TMEM132C: variants seen among roughly 807,000 people sequenced by gnomAD.
TMEM132C encodes protein phosphatase 1, regulatory subunit 152.
A neutral mutation model predicts 61.4 loss-of-function variants in TMEM132C; 29 were observed. The observed-to-expected ratio is 0.47, with a 90% confidence interval of 0.35 to 0.64. The LOEUF (loss-of-function observed/expected upper bound fraction) is 0.64, where lower values mean the gene tolerates loss of function less well. Ranked by LOEUF, TMEM132C falls within the 30% of genes least tolerant of loss-of-function variation. TMEM132C has a pLI of 0.00. For missense variants in TMEM132C, 1,408 were observed against 1,476.9 expected, an observed-to-expected ratio of 0.95 and a Z score of 0.76; for synonymous variants, 656 against 633.1, an observed-to-expected ratio of 1.04 and a Z score of -0.54.
intron 3 of TMEM132C, among the ~76,000 whole-genome samples, chr12:128,585,975 C>T (rs763405497): frequency 3.9e-5 from 6 of 152,094 alleles, no homozygotes; most frequent in Non-Finnish European, 8.8e-5. Context: ...ATGGTGGTGA[C>T]GGCTGCACAA....
intron 1 of TMEM132C, among the ~76,000 whole-genome samples, chr12:128,354,553 C>T (rs1048432665): frequency 1.3e-5 from 2 of 151,810 alleles, no homozygotes; most frequent in African/African-American, 4.8e-5. Flanking sequence ...CCACCTCTCT[C>T]TTCCTTCTCT....
At chr12:128,382,978 G>A (rs541100829) in intron 1 of TMEM132C, among the ~76,000 whole-genome samples, 11 of 152,010 alleles carry the variant, frequency 7.2e-5, no homozygotes, top group South Asian at 2.1e-4. Context: ...GTACAGGTCT[G>A]TCTCTGTGTC....
chr12:128,396,977 TGA>T (rs1379845313), intron 1 of TMEM132C, among the ~76,000 whole-genome samples: 1 of 151,622 alleles, frequency 6.6e-6, no homozygotes, highest in African/African-American at 2.4e-5. Flanking sequence ...TGCCCAGGAG[TGA>T]GAGTGACCCT....
At chr12:128,686,683 GT>G (rs1339047222) in intron 5 of TMEM132C, among the ~76,000 whole-genome samples, 2 of 152,110 alleles carry the variant, frequency 1.3e-5, no homozygotes, top group Non-Finnish European at 2.9e-5. Flanking sequence ...TCTTCAACAC[GT>G]ACTTATTGAG....
chr12:128,463,335 C>T (rs965493757), intron 2 of TMEM132C, among the ~76,000 whole-genome samples: 8 of 151,906 alleles, frequency 5.3e-5, no homozygotes, highest in African/African-American at 1.5e-4. Context: ...TTTTTCTTTT[C>T]GAGACGGAGT....
At chr12:128,683,500 T>C (rs1282612149) in intron 5 of TMEM132C, among the ~76,000 whole-genome samples, 1 of 152,208 alleles carries the variant, frequency 6.6e-6, no homozygotes, top group African/African-American at 2.4e-5. Context: ...CTTCTGGACC[T>C]GGATGGTTGC....
intron 3 of TMEM132C, among the ~76,000 whole-genome samples, chr12:128,603,178 C>T (rs1188075865): frequency 1.3e-5 from 2 of 152,080 alleles, no homozygotes; most frequent in African/African-American, 4.8e-5. Flanking sequence ...TAGAAGGCTC[C>T]CAAAGGCCCT....
chr12:128,400,747 T>C (rs1484056448), intron 1 of TMEM132C, among the ~76,000 whole-genome samples: 1 of 152,086 alleles, frequency 6.6e-6, no homozygotes, highest in Non-Finnish European at 1.5e-5. Context: ...TAGCTGGGCT[T>C]ACAGGCACGC....
At chr12:128,347,333 G>A (rs1053245998) in intron 1 of TMEM132C, among the ~76,000 whole-genome samples, 1 of 151,660 alleles carries the variant, frequency 6.6e-6, no homozygotes, top group Admixed American at 6.6e-5. Context: ...TGGTTGATGG[G>A]CACTTAGGTT....
intron 1 of TMEM132C, among the ~76,000 whole-genome samples, chr12:128,391,717 C>T (rs1185545279): frequency 6.6e-6 from 1 of 152,142 alleles, no homozygotes; most frequent in African/African-American, 2.4e-5. Context: ...AAGAATGAAC[C>T]TCCTTGCTTT....
At chr12:128,480,886 T>C (rs1310956972) in intron 2 of TMEM132C, among the ~76,000 whole-genome samples, 1 of 152,186 alleles carries the variant, frequency 6.6e-6, no homozygotes, top group East Asian at 1.9e-4. Flanking sequence ...ATTCGGCTGC[T>C]TGGAAAGGGC....
intron 1 of TMEM132C, among the ~76,000 whole-genome samples, chr12:128,339,949 A>G (rs1872903508): frequency 6.6e-6 from 1 of 152,176 alleles, no homozygotes; most frequent in Admixed American, 6.5e-5. Flanking sequence ...TGTTTCTCTA[A>G]TACAAACTTG....
At chr12:128,449,955 A>G (rs1264343594) in intron 2 of TMEM132C, among the ~76,000 whole-genome samples, 4 of 152,166 alleles carry the variant, frequency 2.6e-5, no homozygotes, top group Non-Finnish European at 5.9e-5. Context: ...TGTCCACAAG[A>G]CCTATGAAGA....
At chr12:128,622,380 T>TATATAG (rs1953976797) in intron 4 of TMEM132C, among the ~76,000 whole-genome samples, 2 of 99,992 alleles carry the variant, frequency 2.0e-5, no homozygotes, top group Admixed American at 2.0e-4. Context: ...TATATATATA[T>TATATAG]ATATATATAT....
intron 1 of TMEM132C, among the ~76,000 whole-genome samples, chr12:128,287,224 C>T (rs780009475): frequency 4.6e-5 from 7 of 152,176 alleles, no homozygotes; most frequent in Non-Finnish European, 5.9e-5. Context: ...CAGCCATTGC[C>T]AAATGTCCCT....
intron 2 of TMEM132C, among the ~76,000 whole-genome samples, chr12:128,481,638 C>T (rs1210292676): frequency 6.6e-6 from 1 of 152,212 alleles, no homozygotes; most frequent in Non-Finnish European, 1.5e-5. Context: ...CCACCCTAGC[C>T]GTCGGATTCT....
chr12:128,528,682 G>A (rs545386055), intron 2 of TMEM132C, among the ~76,000 whole-genome samples: 9 of 152,194 alleles, frequency 5.9e-5, no homozygotes, highest in South Asian at 2.1e-4. Context: ...GCCTCCACCC[G>A]CTGAATACCG....
chr12:128,444,681 T>C (rs946372567), intron 2 of TMEM132C, among the ~76,000 whole-genome samples: 2 of 152,208 alleles, frequency 1.3e-5, no homozygotes, highest in African/African-American at 2.4e-5. Flanking sequence ...CCAGTCTTCT[T>C]TGGCTAAAGA....
intron 1 of TMEM132C, among the ~76,000 whole-genome samples, chr12:128,284,039 T>C (rs1308636674): frequency 6.6e-6 from 1 of 152,228 alleles, no homozygotes; most frequent in Non-Finnish European, 1.5e-5. Context: ...GTCAAAGGAA[T>C]GTGCTGCAAC....
Sources: allele counts gnomAD v4.1 joint callset (sites outside exome capture counted in the v4.1 genomes callset), GRCh38; gene constraint gnomAD v4.1.1; transcripts MANE v1.5; gene names NCBI Gene and HGNC (gene_info 2026-07-23, HGNC 2026-07-21).